The following NDUFAF5 variants were observed in gnomAD, a reference collection of about 807,000 sequenced individuals.
NDUFAF5 encodes the protein arginine-hydroxylase NDUFAF5, mitochondrial.
Under a neutral mutation model 48.9 loss-of-function variants are expected in NDUFAF5, and 34 were observed. That is an observed-to-expected ratio of 0.70 (90% CI 0.53 to 0.93). NDUFAF5 has a LOEUF of 0.93. NDUFAF5 is among the 40% of genes least tolerant of loss of function. The pLI is 0.00. For synonymous variants in NDUFAF5, 153 were observed against 150.6 expected, an observed-to-expected ratio of 1.02 and a Z score of -0.12; for missense variants, 428 against 427.5, an observed-to-expected ratio of 1.00 and a Z score of -0.01.
At chr20:13,797,349 T>A (rs1983402939) in intron 5 of NDUFAF5, among the ~76,000 whole-genome samples, 1 of 152,220 alleles carries the variant, frequency 6.6e-6, no homozygotes, top group Admixed American at 6.5e-5. Context: ...AGCCAAGATG[T>A]CCTTCAGTAG....
intron 5 of NDUFAF5, among the ~76,000 whole-genome samples, chr20:13,796,603 A>T (rs904396326): frequency 1.3e-5 from 2 of 152,208 alleles, no homozygotes; most frequent in Non-Finnish European, 2.9e-5. Context: ...ATACCAGAAA[A>T]GTGTGACCGT....
intron 8 of NDUFAF5, among the ~76,000 whole-genome samples, chr20:13,809,357 A>C (rs1200714873): frequency 1.3e-5 from 2 of 152,162 alleles, no homozygotes; most frequent in Admixed American, 1.3e-4. Flanking sequence ...ACTCAAAAAG[A>C]AGTGTTATCT....
intron 5 of NDUFAF5, 39 bp from the exon 6 acceptor site, chr20:13,798,422 C>G: frequency 6.7e-7 from 1 of 1,482,882 alleles, no homozygotes; most frequent in Non-Finnish European, 9.4e-7. Context: ...ATTAATTGTG[C>G]CAGTTAAGCT....
At chr20:13,794,983 T>C (rs771670447) in intron 5 of NDUFAF5, 42 bp downstream of exon 5, 6 of 1,368,436 alleles carry the variant, frequency 4.4e-6, no homozygotes, top group Non-Finnish European at 6.2e-6. Context: ...TATAAACAGA[T>C]CATTCTTGCC....
At chr20:13,804,379 C>T (rs1382895315) in intron 7 of NDUFAF5, among the ~76,000 whole-genome samples, 1 of 151,932 alleles carries the variant, frequency 6.6e-6, no homozygotes, top group East Asian at 1.9e-4. Flanking sequence ...GAACTACTGT[C>T]CTAGAGGTAG....
intron 7 of NDUFAF5, among the ~76,000 whole-genome samples, chr20:13,808,276 G>A (rs374945926): frequency 6.6e-6 from 1 of 152,184 alleles, no homozygotes; most frequent in Non-Finnish European, 1.5e-5. Flanking sequence ...CTCTGCCACT[G>A]TACCAACAGT....
rs1366813840 is a variant in NDUFAF5, at chr20:13,785,056, G to A, written c.-13G>A. The A allele has an allele frequency of 5.6e-6, 9 of 1,606,690 alleles. No homozygotes were observed. The highest frequency in any genetic ancestry group is 5.3e-5 in the African/African-American group (4 of 74,830). On this transcript the variant is annotated 5_prime_UTR_variant, in exon 1 of 11. Coordinates refer to ENST00000378106, the MANE Select transcript of NDUFAF5 (RefSeq NM_024120.5). Reference sequence around the variant, plus strand: ...CGCACAAAAAGCGCCGGCAATTGGGGTCGCAGCTGGAGATGCTGCGGCCGG... The same window carrying A: ...CGCACAAAAAGCGCCGGCAATTGGGATCGCAGCTGGAGATGCTGCGGCCGG...
At chr20:13,800,808 C>T (rs1023865254) in intron 6 of NDUFAF5, among the ~76,000 whole-genome samples, 3 of 152,120 alleles carry the variant, frequency 2.0e-5, no homozygotes, top group Admixed American at 2.0e-4. Flanking sequence ...ATCTGTGTGT[C>T]TGTGATCAGC....
chr20:13,801,773 G>T, intron 7 of NDUFAF5, 90 bp downstream of exon 7: 1 of 1,094,414 alleles, frequency 9.1e-7, no homozygotes, highest in South Asian at 1.3e-5. Flanking sequence ...ATGTGTTCAT[G>T]GTTTCATGGC....
At chr20:13,788,353 A>T (rs1981569352) in intron 2 of NDUFAF5, among the ~76,000 whole-genome samples, 1 of 152,204 alleles carries the variant, frequency 6.6e-6, no homozygotes, top group Admixed American at 6.5e-5. Context: ...AGTCCACATC[A>T]TGGAGCCACC....
In NDUFAF5 at chr20:13,811,385, T is replaced by G. The variant is rs116979928; in HGVS notation, c.778+2483T>G. The stretch of plus-strand genomic sequence containing the variant: ...CTCAGGTATCAAGGCAGAGGTGGTG[T>G]GATGGAGTGGTTGATTAGAGATGAG... On this transcript the variant is annotated intron_variant, in intron 8 of 10. Transcript: ENST00000378106. 3.7e-3 allele frequency among the ~76,000 whole-genome samples: 569 copies of G among 152,222 alleles called. 4 individuals are homozygous for G. Among genetic ancestry groups the G allele is most frequent in the Admixed American group, 8.0e-3 (122 of 15,278 alleles).
chr20:13,810,033 A>G (rs1985637676), intron 8 of NDUFAF5, among the ~76,000 whole-genome samples: 1 of 152,232 alleles, frequency 6.6e-6, no homozygotes, highest in Admixed American at 6.5e-5. Context: ...TGCTTTTGAA[A>G]TACCTAAGAG....
At chr20:13,799,496 C>T (rs538550106) in intron 6 of NDUFAF5, among the ~76,000 whole-genome samples, 3 of 151,820 alleles carry the variant, frequency 2.0e-5, no homozygotes, top group Admixed American at 6.6e-5. Context: ...GTTAGGAGTT[C>T]GAGACCAGCC....
intron 8 of NDUFAF5, 70 bp from the exon 9 acceptor site, chr20:13,816,393 T>G: frequency 9.8e-7 from 1 of 1,019,748 alleles, no homozygotes; most frequent in South Asian, 1.3e-5. Context: ...GAGACGGGAT[T>G]AAGTCTGTGG....
rs1555829382 is a variant in NDUFAF5, at chr20:13,785,298, C to CGCGGGGTG, written c.222+14_222+15insTGGCGGGG. 4.8e-6 allele frequency: 5 copies of CGCGGGGTG among 1,040,648 alleles called. No homozygotes were observed. Among genetic ancestry groups the CGCGGGGTG allele is most frequent in the Non-Finnish European group, 6.9e-6 (5 of 725,874 alleles). The allele number at this position is 1,040,648 out of a possible 1,614,324, so 64.5% of individuals were successfully genotyped here. A position where few individuals can be genotyped will look rare whatever the true frequency, so the allele number is the denominator to read the frequency against. Reference sequence around the variant, plus strand: ...GACTACCTGAAGGAGGAGGTGAGCCCGCGGGGCGGCGGGGCGGCGGGGCGG... The same window carrying CGCGGGGTG: ...GACTACCTGAAGGAGGAGGTGAGCCCGCGGGGTGGCGGGGCGGCGGGGCGGCGGGGCGG... On this transcript the variant is annotated intron_variant, in intron 1 of 10. Coordinates refer to ENST00000378106, the MANE Select transcript of NDUFAF5 (RefSeq NM_024120.5).
At chr20:13,785,429 A>T in intron 1 of NDUFAF5, 139 bp downstream of exon 1, 1 of 687,658 alleles carries the variant, frequency 1.5e-6, no homozygotes. Flanking sequence ...TTCGGCCTCT[A>T]CTGTAATCAC....
At chr20:13,787,411 T>G in intron 2 of NDUFAF5, 59 bp downstream of exon 2, 1 of 1,493,986 alleles carries the variant, frequency 6.7e-7, no homozygotes, top group Non-Finnish European at 9.3e-7. Flanking sequence ...TTCAGGAGAT[T>G]AAATGCTGAG....
At chr20:13,786,696 C>T (rs1014990800) in intron 1 of NDUFAF5, among the ~76,000 whole-genome samples, 3 of 152,098 alleles carry the variant, frequency 2.0e-5, no homozygotes, top group Non-Finnish European at 2.9e-5. Flanking sequence ...ATACTAGACT[C>T]CCACGTCTTT....
intron 8 of NDUFAF5, among the ~76,000 whole-genome samples, chr20:13,815,568 G>A (rs887433946): frequency 4.6e-5 from 7 of 152,130 alleles, no homozygotes; most frequent in African/African-American, 1.4e-4. Flanking sequence ...TAAGACCATT[G>A]AAAATATGGT....
Sources: gnomAD v4.1 joint callset for allele counts (sites outside exome capture counted in the v4.1 genomes callset) on GRCh38, gnomAD v4.1.1 for gene constraint, MANE v1.5 for transcripts, NCBI Gene and HGNC (gene_info 2026-07-23, HGNC 2026-07-21) for gene names.